Variants in RC3H1 observed in about 807,000 individuals in gnomAD.
The protein encoded by RC3H1 is roquin-1.
A neutral mutation model predicts 138.2 loss-of-function variants in RC3H1; 50 were observed. The ratio of observed to expected loss-of-function variants is 0.36; its 90% CI spans 0.29 to 0.46. RC3H1 has a LOEUF of 0.46. Among genes scored for constraint, RC3H1 ranks in the 20% least tolerant of loss-of-function variants. The pLI, the probability that RC3H1 is intolerant of heterozygous loss-of-function variation, is 1.00. For synonymous variants in RC3H1, 462 were observed against 489.1 expected (o/e 0.94, Z 0.73); for missense variants, 1,031 against 1,388.1 (o/e 0.74, Z 4.09).
intron 8 of RC3H1, 42 bp from the exon 9 acceptor site, chr1:173,970,659 A>G: frequency 8.1e-7 from 1 of 1,230,348 alleles, no homozygotes; most frequent in Non-Finnish European, 1.2e-6. Flanking sequence ...ATAACCCCCC[A>G]CAAAAAAACA....
intron 9 of RC3H1, among the ~76,000 whole-genome samples, chr1:173,966,545 T>C (rs892689668): frequency 1.3e-5 from 2 of 151,946 alleles, no homozygotes; most frequent in African/African-American, 2.4e-5. Flanking sequence ...TGAAACCCCA[T>C]CTCTACTAAA....
intron 4 of RC3H1, 79 bp from the exon 5 acceptor site, chr1:173,982,981 A>C: frequency 7.7e-7 from 1 of 1,293,150 alleles, no homozygotes; most frequent in Non-Finnish European, 1.1e-6. Flanking sequence ...GGAATATTTA[A>C]TCATTTCTGC....
intron 4 of RC3H1, 171 bp from the exon 5 acceptor site, chr1:173,983,073 C>T (rs1045620834): frequency 1.3e-5 from 7 of 518,742 alleles, no homozygotes; most frequent in Non-Finnish European, 2.3e-5. Context: ...TTTTGTATTA[C>T]ATTCTATATA....
intron 14 of RC3H1, 66 bp from the exon 15 acceptor site, chr1:173,947,648 G>T (rs1255221896): frequency 8.3e-7 from 1 of 1,198,624 alleles, no homozygotes; most frequent in South Asian, 1.2e-5. Context: ...ATTTTTTCTA[G>T]ATCTGTAATA....
rs545353323 is a variant in RC3H1 at position 173,937,973 on chromosome 1, T to C, written c.*748A>G. The stretch of plus-strand genomic sequence containing the variant: ...CAGCTTTCTGATTATATTAAGAGAA[T>C]GCAAATGATCCTTAATATGAAAATG... On this transcript the variant is annotated 3_prime_UTR_variant, in exon 20 of 20. Transcript: ENST00000367696. 1 of 152,338 alleles carries C rather than the reference T, an allele frequency of 6.6e-6. No homozygotes were observed. The highest frequency in any genetic ancestry group is 6.5e-5 in the Admixed American group (1 of 15,292). The allele number at this position is 152,338 out of a possible 1,614,324, so 9.4% of individuals were successfully genotyped here.
intron 2 of RC3H1, 21 bp from the exon 3 acceptor site, chr1:173,984,640 T>C: frequency 6.2e-7 from 1 of 1,608,460 alleles, no homozygotes; most frequent in Non-Finnish European, 8.5e-7. Flanking sequence ...AAAGAAAAGA[T>C]CTGTATGAGT....
At chr1:173,989,454 G>T (rs1661170244) in intron 2 of RC3H1, among the ~76,000 whole-genome samples, 1 of 152,144 alleles carries the variant, frequency 6.6e-6, no homozygotes, top group African/African-American at 2.4e-5. Context: ...CTCCCACAGT[G>T]CTGGGATTAC....
intron 18 of RC3H1, 82 bp from the exon 19 acceptor site, chr1:173,941,462 G>T: frequency 1.3e-6 from 1 of 795,262 alleles, no homozygotes; most frequent in Non-Finnish European, 2.1e-6. Context: ...ATAATACAAA[G>T]TGATGATCCA....
In RC3H1 at chr1:174,012,652, C is replaced by T. The variant is rs945884530; in HGVS notation, c.-151+9444G>A. Among the ~76,000 whole-genome samples the T allele has an allele frequency of 3.3e-5, 5 of 151,706 alleles. No homozygotes were observed. The East Asian group carries it at 5.8e-4, about 18-fold the overall frequency. Reference sequence around the variant, plus strand: ...CAAAAAAATTAGCCGGGTGTGGTGGCGGGCGCCTGTAGTCCCAGCTACTCG... The same window carrying T: ...CAAAAAAATTAGCCGGGTGTGGTGGTGGGCGCCTGTAGTCCCAGCTACTCG... On this transcript the variant is annotated intron_variant, in intron 1 of 19. Transcript: ENST00000367696.
chr1:173,939,926 A>G (rs947524210), intron 19 of RC3H1, among the ~76,000 whole-genome samples: 2 of 152,192 alleles, frequency 1.3e-5, no homozygotes, highest in Non-Finnish European at 2.9e-5. Flanking sequence ...TTTGTTATAT[A>G]TCATCAGGGG....
chr1:174,010,316 C>T (rs1022765981), intron 1 of RC3H1, among the ~76,000 whole-genome samples: 2 of 151,822 alleles, frequency 1.3e-5, no homozygotes, highest in South Asian at 2.1e-4. Context: ...GCATCTACTA[C>T]GTGCCAGTGT....
rs540573033 is a variant in RC3H1 at position 173,966,035 on chromosome 1, G to A, written c.1335-915C>T. 1.1e-3 allele frequency among the ~76,000 whole-genome samples: 171 copies of A among 152,110 alleles called. 1 individual carries two copies. The highest frequency in any genetic ancestry group is 3.7e-3 in the African/African-American group (152 of 41,498). On this transcript the variant is annotated intron_variant, in intron 9 of 19. Coordinates refer to ENST00000367696, the MANE Select transcript of RC3H1 (RefSeq NM_172071.4). ...TGCATGCCTGTGGTCCCAGCTACTC[G>A]GGAGGTTGAGGCGGGAGGATCACTT...
chr1:173,991,109 A>T (rs961623208), intron 2 of RC3H1, among the ~76,000 whole-genome samples: 5 of 152,196 alleles, frequency 3.3e-5, no homozygotes, highest in Non-Finnish European at 7.4e-5. Context: ...GCACACCTGT[A>T]ATCCCAGCTA....
At position 173,975,627 on chromosome 1, in the gene RC3H1, G is replaced by A. The variant is rs1308673423; in HGVS notation, c.1102+2861C>T. On this transcript the variant is annotated intron_variant, in intron 7 of 19. Transcript: ENST00000367696. ...AAATACAGTAAATTTGGCCGGGCGC[G>A]GTGGCTCACGCCTGTAATCCCAGCA... Among the ~76,000 whole-genome samples, 11 of 61,168 alleles carry A rather than the reference G, an allele frequency of 1.8e-4. 4 individuals carry two copies. In the African/African-American group the frequency reaches 4.2e-3, roughly 23 times the overall value. The allele number at this position is 61,168 out of a possible 152,430, so 40.1% of individuals were successfully genotyped here.
chr1:173,948,384 T>G (rs1222532510), intron 14 of RC3H1, among the ~76,000 whole-genome samples: 1 of 151,680 alleles, frequency 6.6e-6, no homozygotes, highest in Non-Finnish European at 1.5e-5. Flanking sequence ...AATCAATCAC[T>G]AATAAAAGCC....
chr1:173,964,136 A>G lies in RC3H1; in HGVS notation c.1668T>C (p.Ser556=). 6.2e-7 allele frequency: 1 copy of G among 1,614,182 alleles called. No homozygotes were observed. Among genetic ancestry groups the G allele is most frequent in the Non-Finnish European group, 8.5e-7 (1 of 1,180,018 alleles). The change falls in exon 11 of 20, where the codon TCT becomes TCC. Residue 556 remains serine, a synonymous_variant. Transcript: ENST00000367696. ...SISALPVNPH[S]IPPRGPADLP... is the part of the protein sequence containing the mutation. ...GATCTGCTGGCCCCCTTGGAGGTAT[A>G]GAATGTGGATTCACAGGTAAGGCAG...
At chr1:173,985,498 G>A (rs1660990962) in intron 2 of RC3H1, among the ~76,000 whole-genome samples, 1 of 116,334 alleles carries the variant, frequency 8.6e-6, no homozygotes, top group South Asian at 2.5e-4. Flanking sequence ...TGGGTGAAAA[G>A]TAGTAATTCA....
chr1:173,958,918 G>A (rs1179257651), intron 13 of RC3H1, among the ~76,000 whole-genome samples: 2 of 150,462 alleles, frequency 1.3e-5, no homozygotes, highest in Non-Finnish European at 3.0e-5. Flanking sequence ...ATAAATCTTT[G>A]ATATTCTTTC....
intron 1 of RC3H1, among the ~76,000 whole-genome samples, chr1:174,005,854 G>T (rs1424426547): frequency 6.6e-6 from 1 of 152,124 alleles, no homozygotes; most frequent in African/African-American, 2.4e-5. Flanking sequence ...TCTTAATACT[G>T]ATAATGTTTC....
Sources: allele counts gnomAD v4.1 joint callset (sites outside exome capture counted in the v4.1 genomes callset), GRCh38; gene constraint gnomAD v4.1.1; transcripts MANE v1.5; gene names NCBI Gene and HGNC (gene_info 2026-07-23, HGNC 2026-07-21).